Variants in USP24 observed in about 807,000 individuals in gnomAD.
The protein encoded by USP24 is ubiquitin carboxyl-terminal hydrolase 24.
Under a neutral mutation model 361.6 loss-of-function variants are expected in USP24, and 97 were observed. The observed-to-expected ratio is 0.27, with a 90% CI of 0.23 to 0.32. USP24 has a LOEUF of 0.32. USP24 is among the 10% of genes least tolerant of loss of function. The pLI is 1.00. For synonymous variants in USP24, 1,098 were observed against 1,124.6 expected (o/e 0.98, Z 0.47); for missense variants, 2,353 against 3,165.6 (o/e 0.74, Z 6.16).
intron 1 of USP24, among the ~76,000 whole-genome samples, chr1:55,197,458 T>C (rs1644450677): frequency 6.6e-6 from 1 of 152,226 alleles, no homozygotes; most frequent in Non-Finnish European, 1.5e-5. Context: ...GGTGAATGAA[T>C]GAGTGAATGT....
rs1192870540 is a variant in USP24, at chr1:55,193,973, T to C, written c.325-15841A>G. ...GCTCTAGATTAAGCATACTTGAAAG[T>C]ATTCCAATTCCTCCTAAAATTGGTA... On this transcript the variant is annotated intron_variant, in intron 1 of 67. Transcript: ENST00000294383. 2.6e-5 allele frequency among the ~76,000 whole-genome samples: 4 copies of C among 152,142 alleles called. No homozygotes were observed. The East Asian group carries it at 5.8e-4, about 22-fold the overall frequency.
At chr1:55,171,778 A>C in intron 4 of USP24, 100 bp from the exon 5 acceptor site, 1 of 1,288,200 alleles carries the variant, frequency 7.8e-7, no homozygotes, top group Non-Finnish European at 1.1e-6. Flanking sequence ...GACTCCCCTC[A>C]TTAATGGGAT....
chr1:55,101,851 T>C, intron 42 of USP24, 148 bp from the exon 43 acceptor site: 1 of 1,040,178 alleles, frequency 9.6e-7, no homozygotes, highest in South Asian at 2.2e-5. Context: ...CCTATGTTCA[T>C]GAAGTACCTC....
Position 55,127,966 on chromosome 1 carries a change from C to A in USP24, c.3635+1511G>T, listed in dbSNP as rs115708697. On this transcript the variant is annotated intron_variant, in intron 32 of 67. Transcript: ENST00000294383. ...GATTATGTCCTCATGGTTTTACTCA[C>A]ACGCTCCCAAATCTCTCATGCCATT... Among the ~76,000 whole-genome samples, 531 of 152,286 alleles carry A rather than the reference C, an allele frequency of 3.5e-3. 4 individuals carry two copies. Among genetic ancestry groups the A allele is most frequent in the African/African-American group, 0.012 (512 of 41,552 alleles).
Position 55,066,664 on chromosome 1 carries a change from AGTC to A in USP24, c.*2378_*2380del, listed in dbSNP as rs1345159368. On this transcript the variant is annotated 3_prime_UTR_variant, in exon 68 of 68. Coordinates refer to ENST00000294383, the MANE Select transcript of USP24 (RefSeq NM_015306.3). ...GTGACCGTGTGAGGACTCCAGGAGA[AGTC>A]GTGGTGAGATGCCCGCTGGGATGCT... The A allele has an allele frequency of 6.6e-6, 1 of 152,154 alleles. No homozygotes were observed. Among genetic ancestry groups the A allele is most frequent in the Non-Finnish European group, 1.5e-5 (1 of 68,036 alleles). 9.4% of individuals were successfully genotyped at this position (152,154 alleles called of 1,614,324 possible).
chr1:55,152,465 C>G (rs1466171883), intron 16 of USP24, among the ~76,000 whole-genome samples: 1 of 152,180 alleles, frequency 6.6e-6, no homozygotes, highest in Non-Finnish European at 1.5e-5. Context: ...AAAATCCATT[C>G]AGCTTTGACC....
At position 55,165,945 on chromosome 1, in the gene USP24, T is replaced by C. The variant is rs964703711; in HGVS notation, c.867A>G (p.Gly289=). Residue 289 remains glycine (G), a synonymous_variant, in exon 7 of 68, where the codon GGA becomes GGG. Transcript: ENST00000294383. ...GWVVDLVNKF[G]ELGGFAAIQA... is the part of the protein sequence containing the mutation. ...GGATTGCTGCAAATCCACCTAATTC[T>C]CCAAACTGAGAAGAAAAAAGGCACA... 5 of 1,605,448 alleles carry C rather than the reference T, an allele frequency of 3.1e-6. No individual in the cohort carries two copies. The highest frequency in any genetic ancestry group is 4.3e-6 in the Non-Finnish European group (5 of 1,175,500).
chr1:55,099,720 T>C, intron 45 of USP24, 51 bp downstream of exon 45: 2 of 1,286,174 alleles, frequency 1.6e-6, no homozygotes, highest in Non-Finnish European at 2.2e-6. Flanking sequence ...ACTATTCTCA[T>C]ACTATAATTA....
intron 1 of USP24, among the ~76,000 whole-genome samples, chr1:55,193,278 T>C (rs895743098): frequency 1.3e-5 from 2 of 152,154 alleles, no homozygotes; most frequent in Non-Finnish European, 2.9e-5. Flanking sequence ...GATTTGAGCA[T>C]TTCGGTATCT....
intron 20 of USP24, among the ~76,000 whole-genome samples, chr1:55,144,459 C>A (rs1323169980): frequency 6.6e-6 from 1 of 152,160 alleles, no homozygotes; most frequent in Non-Finnish European, 1.5e-5. Context: ...AATCAACTAT[C>A]TGATAAGGAG....
In USP24 at chr1:55,147,672, C is replaced by G. The variant is rs768015547; in HGVS notation, c.2095G>C (p.Asp699His). Residue 699 changes from aspartate to histidine, a missense_variant, in exon 18 of 68, where the codon GAT (aspartate) becomes CAT (histidine). Around this residue, in one of 8 missense-constraint regions of USP24, gnomAD observed 949 missense variants for 1,280.5 expected, o/e 0.74. Transcript: ENST00000294383. ...ACCTCCCGGTAAGTGTACCGGCCAT[C>G]CACTAGTGTCGAGCCACTTAAGCCT... ...PGGLSGSTLV[D>H]GRYTYREYLE... 1.2e-6 allele frequency: 2 copies of G among 1,610,070 alleles called. No individual in the cohort carries two copies. The highest frequency in any genetic ancestry group is 3.4e-5 in the Admixed American group (2 of 59,386).
At chr1:55,153,294 T>C (rs1647293129) in intron 16 of USP24, among the ~76,000 whole-genome samples, 1 of 152,140 alleles carries the variant, frequency 6.6e-6, no homozygotes, top group East Asian at 1.9e-4. Context: ...AGTCCAGAAG[T>C]TCACAGTAAC....
chr1:55,179,027 T>C (rs533267983), intron 1 of USP24, among the ~76,000 whole-genome samples: 1 of 152,194 alleles, frequency 6.6e-6, no homozygotes, highest in African/African-American at 2.4e-5. Flanking sequence ...CATCTTCATC[T>C]CCACACCACT....
In USP24 at chr1:55,079,772, T is replaced by TCA. The variant is rs1176955070; in HGVS notation, c.7079-114_7079-113insTG. The TCA allele has an allele frequency of 2.2e-6, 3 of 1,378,080 alleles. No homozygotes were observed. In the African/African-American group the frequency reaches 4.5e-5, roughly 21 times the overall value. 85.4% of individuals were successfully genotyped at this position (1,378,080 alleles called of 1,614,324 possible). A position where few individuals can be genotyped will look rare whatever the true frequency, so the allele number is the denominator to read the frequency against. On this transcript the variant is annotated intron_variant, in intron 59 of 67. Coordinates refer to ENST00000294383, the MANE Select transcript of USP24 (RefSeq NM_015306.3). ...CAAGACTCGCACACACACTGAGTAC[T>TCA]CTCACAGAGTACTCACACACTGAGT...
chr1:55,076,985 C>G (rs1005075265), intron 62 of USP24, among the ~76,000 whole-genome samples: 1 of 152,104 alleles, frequency 6.6e-6, no homozygotes, highest in African/African-American at 2.4e-5. Context: ...CCCTTCAGTC[C>G]CCTGCACTAC....
chr1:55,115,707 C>G (rs1646094315), intron 38 of USP24, among the ~76,000 whole-genome samples: 1 of 152,060 alleles, frequency 6.6e-6, no homozygotes, highest in African/African-American at 2.4e-5. Context: ...ACTATAAAGA[C>G]ACATGCATGG....
At chr1:55,075,563 G>A (rs1645007422) in intron 62 of USP24, 40 bp from the exon 63 acceptor site, 6 of 1,515,236 alleles carry the variant, frequency 4.0e-6, no homozygotes, top group East Asian at 2.4e-5. Flanking sequence ...ATAAAAGAAG[G>A]AACTTGTCAT....
intron 26 of USP24, 106 bp downstream of exon 26, chr1:55,138,502 C>T: frequency 8.0e-6 from 6 of 752,944 alleles, no homozygotes; most frequent in South Asian, 4.5e-5. Context: ...ATTTGTTTAC[C>T]AAACTACCTT....
intron 5 of USP24, among the ~76,000 whole-genome samples, chr1:55,170,261 T>C (rs6663077): frequency 0.014 from 2,182 of 151,896 alleles, 33 homozygotes; most frequent in African/African-American, 0.049. Context: ...AGAGGGGATC[T>C]AGAGGAGAGA....
Sources: gnomAD v4.1 joint callset for allele counts (sites outside exome capture counted in the v4.1 genomes callset) on GRCh38, gnomAD v4.1.1 for gene constraint, gnomAD v4.1.1 regional missense constraint, MANE v1.5 for transcripts, NCBI Gene and HGNC (gene_info 2026-07-23, HGNC 2026-07-21) for gene names.